PTPRD: variants seen among roughly 807,000 people sequenced by gnomAD.
PTPRD encodes the protein protein tyrosine phosphatase receptor type D.
PTPRD carries 34 observed loss-of-function variants against 214.5 expected under a neutral mutation model. That is an observed-to-expected ratio of 0.16 (90% CI 0.12 to 0.21). The LOEUF (loss-of-function observed/expected upper bound fraction) is 0.21, where lower values mean the gene tolerates loss of function less well. Ranked by LOEUF, PTPRD falls within the 10% of genes least tolerant of loss-of-function variation. The pLI is 1.00. For missense variants in PTPRD, 2,545 were observed against 2,398.7 expected (o/e 1.06, Z -1.27); for synonymous variants, 1,128 against 845.7 (o/e 1.33, Z -5.79).
intron 5 of PTPRD, among the ~76,000 whole-genome samples, chr9:9,901,623 G>C (rs560310447): frequency 2.6e-5 from 4 of 151,980 alleles, no homozygotes; most frequent in Admixed American, 6.6e-5. Context: ...AGAGAAATCT[G>C]ACTTCTTTCT....
chr9:9,793,249 A>T lies in PTPRD; in HGVS notation c.-367-26398T>A, dbSNP rs527874500. 2.0e-5 allele frequency among the ~76,000 whole-genome samples: 3 copies of T among 152,278 alleles called. No homozygotes were observed. The South Asian group carries it at 6.2e-4, about 32-fold the overall frequency. On this transcript the variant is annotated intron_variant, in intron 5 of 45. Coordinates refer to ENST00000381196, the MANE Select transcript of PTPRD (RefSeq NM_002839.4). Reference sequence around the variant, plus strand: ...TTGAATGGAAATTTTATCATCCCATAGCTTTACTATGAATAAAATGGATGT... The same window carrying T: ...TTGAATGGAAATTTTATCATCCCATTGCTTTACTATGAATAAAATGGATGT...
At chr9:9,131,477 A>G (rs577919820) in intron 10 of PTPRD, among the ~76,000 whole-genome samples, 2 of 152,316 alleles carry the variant, frequency 1.3e-5, no homozygotes, top group South Asian at 4.1e-4. Flanking sequence ...AACAGATTGT[A>G]GCAGTTCGCT....
intron 39 of PTPRD, among the ~76,000 whole-genome samples, chr9:8,372,913 C>T (rs921837344): frequency 1.3e-5 from 2 of 151,962 alleles, no homozygotes; most frequent in Non-Finnish European, 2.9e-5. Context: ...CCTCCATTCT[C>T]ACAGGATATA....
intron 5 of PTPRD, among the ~76,000 whole-genome samples, chr9:9,822,750 C>T (rs952119032): frequency 2.0e-5 from 3 of 151,890 alleles, no homozygotes; most frequent in African/African-American, 4.8e-5. Context: ...AGCTAAAATG[C>T]TCCAAAATAT....
chr9:8,416,489 T>G (rs190196476), intron 35 of PTPRD, among the ~76,000 whole-genome samples: 1 of 152,262 alleles, frequency 6.6e-6, no homozygotes, highest in East Asian at 1.9e-4. Flanking sequence ...GCAGAATACT[T>G]TTCACAACTG....
chr9:8,945,614 T>A (rs1044673449), intron 11 of PTPRD, among the ~76,000 whole-genome samples: 12 of 151,906 alleles, frequency 7.9e-5, no homozygotes, highest in African/African-American at 2.9e-4. Context: ...TGATTCAGAT[T>A]CATGCTCTAC....
chr9:9,066,538 A>C (rs1343205676), intron 10 of PTPRD, among the ~76,000 whole-genome samples: 1 of 139,224 alleles, frequency 7.2e-6, no homozygotes, highest in Non-Finnish European at 1.6e-5. Context: ...ATGTGACCTC[A>C]TATGACCAAC....
chr9:9,528,566 G>A (rs767505692), intron 8 of PTPRD, among the ~76,000 whole-genome samples: 6 of 152,052 alleles, frequency 3.9e-5, no homozygotes, highest in Admixed American at 1.3e-4. Flanking sequence ...CATATTGCGA[G>A]AATTTTCCCA....
chr9:9,407,779 C>G (rs2074022166), intron 8 of PTPRD, among the ~76,000 whole-genome samples: 1 of 151,806 alleles, frequency 6.6e-6, no homozygotes, highest in Non-Finnish European at 1.5e-5. Context: ...AAACTCATTT[C>G]AGTTCCTTGT....
chr9:9,879,839 G>A (rs186390956), intron 5 of PTPRD, among the ~76,000 whole-genome samples: 236 of 152,232 alleles, frequency 1.6e-3, no homozygotes, highest in Non-Finnish European at 2.4e-3. Flanking sequence ...TTTCCAGTTC[G>A]TCTTGCTTCA....
chr9:10,491,735 T>A (rs778430906), intron 2 of PTPRD, among the ~76,000 whole-genome samples: 36 of 152,062 alleles, frequency 2.4e-4, no homozygotes, highest in Non-Finnish European at 4.3e-4. Context: ...TTATTATACT[T>A]TAAGTTCCGG....
At chr9:10,103,435 T>A (rs1178236971) in intron 3 of PTPRD, among the ~76,000 whole-genome samples, 3 of 139,310 alleles carry the variant, frequency 2.2e-5, no homozygotes. Context: ...TAAAAATGAA[T>A]AAAAACCACA....
At chr9:8,895,831 G>A (rs2098604996) in intron 11 of PTPRD, among the ~76,000 whole-genome samples, 1 of 152,284 alleles carries the variant, frequency 6.6e-6, no homozygotes, top group South Asian at 2.1e-4. Context: ...CTAAAGCAAC[G>A]AGAAAACTAT....
intron 10 of PTPRD, among the ~76,000 whole-genome samples, chr9:9,129,156 G>A (rs1022380682): frequency 1.9e-4 from 29 of 152,212 alleles, no homozygotes; most frequent in African/African-American, 6.0e-4. Context: ...TTGGGAGGCC[G>A]AGGCGGGTTG....
intron 5 of PTPRD, among the ~76,000 whole-genome samples, chr9:9,929,998 C>G (rs10978096): frequency 0.066 from 10,001 of 152,204 alleles, 614 homozygotes; most frequent in East Asian, 0.18. Context: ...CCACCTAGTT[C>G]AGGAGTCAGA....
intron 5 of PTPRD, among the ~76,000 whole-genome samples, chr9:9,870,593 A>G (rs1229352119): frequency 6.6e-6 from 1 of 151,990 alleles, no homozygotes; most frequent in Non-Finnish European, 1.5e-5. Flanking sequence ...TATAAGAATT[A>G]CTTATTATTT....
At chr9:9,263,501 A>T (rs1370893971) in intron 9 of PTPRD, among the ~76,000 whole-genome samples, 2 of 151,702 alleles carry the variant, frequency 1.3e-5, no homozygotes, top group African/African-American at 4.8e-5. Context: ...TACATTTAGA[A>T]AGCCTTTGTG....
At chr9:8,966,876 C>G (rs556979656) in intron 11 of PTPRD, among the ~76,000 whole-genome samples, 108 of 151,746 alleles carry the variant, frequency 7.1e-4, no homozygotes, top group Non-Finnish European at 1.4e-3. Context: ...GATCTAATAT[C>G]CAGAATCTAT....
At chr9:8,331,386 G>C (rs1277514489) in intron 44 of PTPRD, among the ~76,000 whole-genome samples, 196 bp downstream of exon 44, 1 of 147,018 alleles carries the variant, frequency 6.8e-6, no homozygotes, top group African/African-American at 2.6e-5. Flanking sequence ...CATTTTTTTG[G>C]GGCTAAACAT....
Sources: gnomAD v4.1 joint callset for allele counts (sites outside exome capture counted in the v4.1 genomes callset) on GRCh38, gnomAD v4.1.1 for gene constraint, MANE v1.5 for transcripts, NCBI Gene and HGNC (gene_info 2026-07-23, HGNC 2026-07-21) for gene names.